SFMBT2: variants seen among roughly 807,000 people sequenced by gnomAD.
The protein encoded by SFMBT2 is Scm like with four mbt domains 2.
A neutral mutation model predicts 110.1 loss-of-function variants in SFMBT2; 38 were observed. The ratio of observed to expected loss-of-function variants is 0.35; its 90% confidence interval spans 0.27 to 0.45. The LOEUF (loss-of-function observed/expected upper bound fraction) is 0.45. Ranked by LOEUF, SFMBT2 falls within the 20% of genes least tolerant of loss-of-function variation. The pLI, the probability that SFMBT2 is intolerant of heterozygous loss-of-function variation, is 1.00. For synonymous variants in SFMBT2, 425 were observed against 425.4 expected (o/e 1.00, Z 0.01); for missense variants, 1,011 against 1,094.9 (o/e 0.92, Z 1.08).
intron 4 of SFMBT2, among the ~76,000 whole-genome samples, chr10:7,310,249 A>G (rs1842811936): frequency 6.6e-6 from 1 of 152,230 alleles, no homozygotes; most frequent in East Asian, 1.9e-4. Flanking sequence ...ACAAGGACAC[A>G]TCATGCTGTC....
At chr10:7,368,076 C>A (rs1216500923) in intron 3 of SFMBT2, among the ~76,000 whole-genome samples, 187 bp from the exon 4 acceptor site, 2 of 152,164 alleles carry the variant, frequency 1.3e-5, no homozygotes, top group African/African-American at 4.8e-5. Flanking sequence ...ACATTTGCAG[C>A]CAGCCACGTT....
chr10:7,247,119 GTTGT>G (rs963715852), intron 8 of SFMBT2, among the ~76,000 whole-genome samples: 27 of 151,966 alleles, frequency 1.8e-4, no homozygotes, highest in Non-Finnish European at 3.7e-4. Flanking sequence ...TGTTTTTGTT[GTTGT>G]TTGTTTGTTT....
At position 7,205,909 on chromosome 10, in the gene SFMBT2, T is replaced by C. The variant is rs1839117677; in HGVS notation, c.1350A>G (p.Pro450=). 6.2e-7 allele frequency: 1 copy of C among 1,614,036 alleles called. No individual in the cohort carries two copies. Among genetic ancestry groups the C allele is most frequent in the East Asian group, 2.2e-5 (1 of 44,876 alleles). The change falls in exon 12 of 21, where the codon CCA becomes CCG. Residue 450 remains proline, a synonymous_variant. Transcript: ENST00000397167. The part of the protein sequence containing the change: ...LHLEGLQTPV[P]EVIVDVESMD... ...TGGATTCCACATCAACAATGACCTC[T>C]GGAACAGGAGTCTGCAGCCCTGCAT...
At chr10:7,185,819 G>A (rs976623341) in intron 16 of SFMBT2, among the ~76,000 whole-genome samples, 3 of 109,402 alleles carry the variant, frequency 2.7e-5, no homozygotes, top group African/African-American at 1.0e-4. Flanking sequence ...ATGCAGAGAG[G>A]TGGAGGGCTT....
intron 2 of SFMBT2, among the ~76,000 whole-genome samples, chr10:7,373,910 T>C (rs1387661211): frequency 6.6e-6 from 1 of 151,908 alleles, no homozygotes; most frequent in Non-Finnish European, 1.5e-5. Flanking sequence ...ACTCCGAGAA[T>C]GATAGCTGCT....
At chr10:7,224,662 A>G (rs1319609157) in intron 10 of SFMBT2, among the ~76,000 whole-genome samples, 1 of 152,184 alleles carries the variant, frequency 6.6e-6, no homozygotes, top group African/African-American at 2.4e-5. Context: ...CAGACTTTAG[A>G]GCTGCTCTAC....
chr10:7,280,596 C>T (rs377543972), intron 6 of SFMBT2, among the ~76,000 whole-genome samples: 9 of 152,150 alleles, frequency 5.9e-5, no homozygotes, highest in African/African-American at 1.9e-4. Context: ...ACTTACATTC[C>T]TTGGAAAATC....
chr10:7,349,844 A>C (rs1168739212), intron 4 of SFMBT2, among the ~76,000 whole-genome samples: 1 of 152,058 alleles, frequency 6.6e-6, no homozygotes, highest in Non-Finnish European at 1.5e-5. Context: ...GTCCATCACC[A>C]ACTGAGGACA....
chr10:7,228,711 CTTTCTTTCTTTCTTTCTTTCTTTCCTTT>C (rs1448699676), intron 9 of SFMBT2, among the ~76,000 whole-genome samples: 10 of 134,370 alleles, frequency 7.4e-5, no homozygotes, highest in African/African-American at 2.6e-4. Context: ...TTCTTTCTTT[CTTTCTTTCTTTCTTTCTTTCTTTCCTTT>C]CTCTCTCTCT....
At chr10:7,396,839 C>A (rs867237302) in intron 1 of SFMBT2, among the ~76,000 whole-genome samples, 2 of 144,698 alleles carry the variant, frequency 1.4e-5, no homozygotes, top group Non-Finnish European at 3.0e-5. Flanking sequence ...TAGGTGGGAA[C>A]TGAACAATGA....
At chr10:7,289,551 G>A (rs1358235504) in intron 4 of SFMBT2, among the ~76,000 whole-genome samples, 1 of 152,122 alleles carries the variant, frequency 6.6e-6, no homozygotes, top group African/African-American at 2.4e-5. Flanking sequence ...AATCTTTTAT[G>A]AGCCACAGAC....
Position 7,158,835 on chromosome 10 carries a change from C to T in SFMBT2, c.*4935G>A, listed in dbSNP as rs1019067746. ...CAAAAGTAATGACACCAATTTTTCC[C>T]TTTTACGCACCAAAAACATACACAA... On this transcript the variant is annotated 3_prime_UTR_variant, in exon 21 of 21. Coordinates refer to ENST00000397167, the MANE Select transcript of SFMBT2 (RefSeq NM_001387889.1). The T allele has an allele frequency of 6.6e-6, 1 of 152,066 alleles. No homozygotes were observed. Among genetic ancestry groups the T allele is most frequent in the African/African-American group, 2.4e-5 (1 of 41,410 alleles). 9.4% of individuals were successfully genotyped at this position (152,066 alleles called of 1,614,324 possible). A position where few individuals can be genotyped will look rare whatever the true frequency, so the allele number is the denominator to read the frequency against.
chr10:7,394,205 G>C (rs1228216054), intron 1 of SFMBT2, among the ~76,000 whole-genome samples: 1 of 151,996 alleles, frequency 6.6e-6, no homozygotes, highest in Non-Finnish European at 1.5e-5. Flanking sequence ...TCTCGAATTC[G>C]TGGGCTCAAG....
At chr10:7,231,229 G>A (rs1170619163) in intron 9 of SFMBT2, among the ~76,000 whole-genome samples, 1 of 152,126 alleles carries the variant, frequency 6.6e-6, no homozygotes, top group Middle Eastern at 3.2e-3. Context: ...CTGGGGTTTT[G>A]GAAGACGGAC....
chr10:7,351,279 C>A (rs561910451), intron 4 of SFMBT2, among the ~76,000 whole-genome samples: 1 of 152,254 alleles, frequency 6.6e-6, no homozygotes, highest in African/African-American at 2.4e-5. Context: ...AACTGCTGAG[C>A]TTTAACTATG....
At chr10:7,347,066 C>G (rs1844138985) in intron 4 of SFMBT2, among the ~76,000 whole-genome samples, 1 of 152,110 alleles carries the variant, frequency 6.6e-6, no homozygotes, top group Non-Finnish European at 1.5e-5. Flanking sequence ...GACTAACTGT[C>G]CCCCAGGGCT....
chr10:7,249,546 C>T (rs1445471243), intron 7 of SFMBT2: 2 of 985,212 alleles, frequency 2.0e-6, no homozygotes, highest in Non-Finnish European at 2.4e-6. Context: ...CCAAATACAT[C>T]AATTGGGTGT....
At position 7,341,617 on chromosome 10, in the gene SFMBT2, A is replaced by G. The variant is rs537138571; in HGVS notation, c.436+26032T>C. Reference sequence around the variant, plus strand: ...CTCCACGTTGTAGAAATCATTTCGTAAACAAAGACCCTCTTTAAATACCAG... The same window carrying G: ...CTCCACGTTGTAGAAATCATTTCGTGAACAAAGACCCTCTTTAAATACCAG... On this transcript the variant is annotated intron_variant, in intron 4 of 20. Coordinates refer to ENST00000397167, the MANE Select transcript of SFMBT2 (RefSeq NM_001387889.1). 2.0e-5 allele frequency among the ~76,000 whole-genome samples: 3 copies of G among 152,320 alleles called. No individual in the cohort carries two copies. The East Asian group carries it at 5.8e-4, about 29-fold the overall frequency.
intron 4 of SFMBT2, among the ~76,000 whole-genome samples, chr10:7,318,468 A>G (rs537009089): frequency 6.6e-6 from 1 of 152,342 alleles, no homozygotes; most frequent in East Asian, 1.9e-4. Flanking sequence ...ATTCCAGGTC[A>G]GCCAATGCCC....
Sources: allele counts gnomAD v4.1 joint callset (sites outside exome capture counted in the v4.1 genomes callset), GRCh38; gene constraint gnomAD v4.1.1; transcripts MANE v1.5; gene names NCBI Gene and HGNC (gene_info 2026-07-23, HGNC 2026-07-21).